USP32: variants seen among roughly 807,000 people sequenced by gnomAD.
USP32 encodes ubiquitin carboxyl-terminal hydrolase 32.
A neutral mutation model predicts 204.8 loss-of-function variants in USP32; 59 were observed. The ratio of observed to expected loss-of-function variants is 0.29; its 90% CI spans 0.23 to 0.36. The LOEUF (loss-of-function observed/expected upper bound fraction) is 0.36, where lower values mean the gene tolerates loss of function less well. Among genes scored for constraint, USP32 ranks in the 10% least tolerant of loss-of-function variants. USP32 has a pLI of 1.00. For missense variants in USP32, 1,160 were observed against 1,946.4 expected, an observed-to-expected ratio of 0.60 and a Z score of 7.60; for synonymous variants, 517 against 678.4, an observed-to-expected ratio of 0.76 and a Z score of 3.70.
intron 1 of USP32, among the ~76,000 whole-genome samples, chr17:60,351,889 A>C (rs1317261102): frequency 6.6e-6 from 1 of 152,212 alleles, no homozygotes; most frequent in Non-Finnish European, 1.5e-5. Flanking sequence ...TGGAGTTCCA[A>C]AATAGGGAAT....
At chr17:60,357,301 T>C (rs1192937532) in intron 1 of USP32, among the ~76,000 whole-genome samples, 1 of 150,976 alleles carries the variant, frequency 6.6e-6, no homozygotes, top group Non-Finnish European at 1.5e-5. Flanking sequence ...AAATAAATAA[T>C]AATTAGGCAG....
At chr17:60,248,129 G>A (rs2086081573) in intron 11 of USP32, among the ~76,000 whole-genome samples, 1 of 152,104 alleles carries the variant, frequency 6.6e-6, no homozygotes, top group Non-Finnish European at 1.5e-5. Context: ...TTACAGTTCT[G>A]CTAGATAAAG....
chr17:60,225,954 A>G, intron 13 of USP32, 85 bp downstream of exon 13: 2 of 101,644 alleles, frequency 2.0e-5, no homozygotes, highest in Non-Finnish European at 2.7e-5. Flanking sequence ...CTCAGTCTCA[A>G]AAAAAAAAAA....
Position 60,275,228 on chromosome 17 carries a change from A to G in USP32, c.572-3747T>C, listed in dbSNP as rs142660066. On this transcript the variant is annotated intron_variant, in intron 5 of 33. Transcript: ENST00000300896. ...TCCTAGCACTTTGGGAGGCCAGGGC[A>G]GGCGGATCACCTGAGGTCAGGAGTA... 2.2e-3 allele frequency among the ~76,000 whole-genome samples: 334 copies of G among 152,278 alleles called. 1 individual carries two copies. Among genetic ancestry groups the G allele is most frequent in the African/African-American group, 7.5e-3 (313 of 41,564 alleles).
At chr17:60,236,337 A>G in intron 11 of USP32, 97 bp from the exon 12 acceptor site, 1 of 974,836 alleles carries the variant, frequency 1.0e-6, no homozygotes. Flanking sequence ...GAAAACCGCG[A>G]AACATTTAGA....
At chr17:60,220,065 A>T (rs749650949) in intron 15 of USP32, among the ~76,000 whole-genome samples, 1 of 151,708 alleles carries the variant, frequency 6.6e-6, no homozygotes, top group Non-Finnish European at 1.5e-5. Context: ...AAAAAACCCT[A>T]AGTATTATCT....
At chr17:60,220,149 A>G (rs2085207452) in intron 15 of USP32, among the ~76,000 whole-genome samples, 1 of 152,126 alleles carries the variant, frequency 6.6e-6, no homozygotes, top group Non-Finnish European at 1.5e-5. Context: ...TTGACATTTT[A>G]AGGACAAATT....
At chr17:60,342,754 T>C (rs1352781263) in intron 2 of USP32, among the ~76,000 whole-genome samples, 1 of 152,218 alleles carries the variant, frequency 6.6e-6, no homozygotes, top group Non-Finnish European at 1.5e-5. Flanking sequence ...GAGAATCTCC[T>C]CTGCTGGTTG....
chr17:60,331,820 C>G (rs917554501), intron 2 of USP32, among the ~76,000 whole-genome samples: 5 of 149,480 alleles, frequency 3.3e-5, no homozygotes, highest in African/African-American at 9.9e-5. Context: ...ATCACTTGAG[C>G]TTGGGGAGGT....
Position 60,288,514 on chromosome 17 carries a change from A to C in USP32, c.571+9T>G. 6.3e-7 allele frequency: 1 copy of C among 1,578,120 alleles called. No individual in the cohort carries two copies. Among genetic ancestry groups the C allele is most frequent in the Non-Finnish European group, 8.6e-7 (1 of 1,168,590 alleles). ...GGCAAACAGAAAACAATGAAATGTC[A>C]TTACTTACAATGTGTGACTCCAGCC... On this transcript the variant is annotated intron_variant, in intron 5 of 33. Coordinates refer to ENST00000300896, the MANE Select transcript of USP32 (RefSeq NM_032582.4).
chr17:60,278,483 AGT>A (rs2086891666), intron 5 of USP32, among the ~76,000 whole-genome samples: 1 of 152,134 alleles, frequency 6.6e-6, no homozygotes, highest in African/African-American at 2.4e-5. Context: ...AAGGAAAAGG[AGT>A]GTGGCAGAAG....
intron 14 of USP32, 88 bp from the exon 15 acceptor site, chr17:60,222,637 CAT>C: frequency 9.9e-7 from 1 of 1,006,360 alleles, no homozygotes. Context: ...AAAACAAACT[CAT>C]ATATCACCAC....
Position 60,271,387 on chromosome 17 carries a change from T to C in USP32, c.666A>G (p.Pro222=), listed in dbSNP as rs1398168067. 5 of 1,613,988 alleles carry C rather than the reference T, an allele frequency of 3.1e-6. No homozygotes were observed. The highest frequency in any genetic ancestry group is 1.3e-5 in the African/African-American group (1 of 74,936). Residue 222 remains proline, a synonymous_variant, in exon 6 of 34, where the codon CCA becomes CCG. Coordinates refer to ENST00000300896, the MANE Select transcript of USP32 (RefSeq NM_032582.4). ...TGRFDLETFG[P]LVSPPIRPSL... ...ATGGACGAATAGGTGGTGAAACCAA[T>C]GGGCCAAATGTCTCTAAATCAAATC...
chr17:60,320,441 G>T (rs1450577223), intron 2 of USP32, among the ~76,000 whole-genome samples: 1 of 152,086 alleles, frequency 6.6e-6, no homozygotes, highest in Admixed American at 6.6e-5. Flanking sequence ...CAGCTCAAGG[G>T]CACCATCCCA....
At chr17:60,265,563 T>A in intron 8 of USP32, 89 bp from the exon 9 acceptor site, 1 of 895,746 alleles carries the variant, frequency 1.1e-6, no homozygotes, top group Non-Finnish European at 1.7e-6. Context: ...TAAGCAAGAT[T>A]TGTTTTGCTT....
chr17:60,403,672 T>C (rs2089953778), intron 1 of USP32, among the ~76,000 whole-genome samples: 1 of 152,150 alleles, frequency 6.6e-6, no homozygotes, highest in South Asian at 2.1e-4. Flanking sequence ...TCGTGATGTA[T>C]TGAACTTACT....
In USP32 at chr17:60,265,392, T is replaced by C; in HGVS notation, c.990+20A>G. 1 of 1,527,662 alleles carries C rather than the reference T, an allele frequency of 6.5e-7. No individual in the cohort carries two copies. Among genetic ancestry groups the C allele is most frequent in the Admixed American group, 1.8e-5 (1 of 55,230 alleles). 94.6% of individuals were successfully genotyped at this position (1,527,662 alleles called of 1,614,324 possible). Reference sequence around the variant, plus strand: ...CATGATATTTTTAGAAAAAGATAAATTAGTTCTATCTAGACTCACCTTTGT... The same window carrying C: ...CATGATATTTTTAGAAAAAGATAAACTAGTTCTATCTAGACTCACCTTTGT... On this transcript the variant is annotated intron_variant, in intron 9 of 33. Coordinates refer to ENST00000300896, the MANE Select transcript of USP32 (RefSeq NM_032582.4).
rs772422001 is a variant in USP32 at position 60,252,363 on chromosome 17, T to C, written c.1136+18A>G. ...AGTATGTGAAATTTCAACTATATAA[T>C]TGAAACTACAAATTTACCTAATAAT... is the stretch of plus-strand genomic sequence containing the variant. On this transcript the variant is annotated intron_variant, in intron 11 of 33. Coordinates refer to ENST00000300896, the MANE Select transcript of USP32 (RefSeq NM_032582.4). The C allele has an allele frequency of 1.3e-5, 21 of 1,599,978 alleles. No homozygotes were observed. The highest frequency in any genetic ancestry group is 1.7e-4 in the Middle Eastern group (1 of 6,010).
intron 2 of USP32, among the ~76,000 whole-genome samples, chr17:60,316,697 C>T (rs186971858): frequency 2.0e-5 from 3 of 151,994 alleles, no homozygotes; most frequent in African/African-American, 7.2e-5. Flanking sequence ...AAAAATGAGT[C>T]GGGTGTGGTG....
Sources: gnomAD v4.1 joint callset for allele counts (sites outside exome capture counted in the v4.1 genomes callset) on GRCh38, gnomAD v4.1.1 for gene constraint, MANE v1.5 for transcripts, NCBI Gene and HGNC (gene_info 2026-07-23, HGNC 2026-07-21) for gene names.